Variants in GRM5 observed in about 807,000 individuals in gnomAD.
GRM5 encodes the protein metabotropic glutamate receptor 5.
Under a neutral mutation model 83.1 loss-of-function variants are expected in GRM5, and 19 were observed. That is an observed-to-expected ratio of 0.23 (90% CI 0.16 to 0.34). GRM5 has a LOEUF of 0.34. Among genes scored for constraint, GRM5 ranks in the 10% least tolerant of loss-of-function variants. The pLI is 1.00. For missense variants in GRM5, 1,160 were observed against 1,588.3 expected (o/e 0.73, Z 4.58); for synonymous variants, 675 against 633.6 (o/e 1.07, Z -0.98).
chr11:88,607,342 TATTTG>T (rs1268963104), intron 4 of GRM5, among the ~76,000 whole-genome samples: 2 of 152,206 alleles, frequency 1.3e-5, no homozygotes, highest in Non-Finnish European at 2.9e-5. Flanking sequence ...TCACAACTCT[TATTTG>T]ATTTATCTTC....
At chr11:88,849,420 C>G (rs1188843053) in intron 3 of GRM5, among the ~76,000 whole-genome samples, 1 of 151,998 alleles carries the variant, frequency 6.6e-6, no homozygotes, top group Non-Finnish European at 1.5e-5. Flanking sequence ...CAATGTAGGT[C>G]ACCAGGCACC....
intron 4 of GRM5, among the ~76,000 whole-genome samples, chr11:88,638,757 C>G (rs1253623925): frequency 6.6e-6 from 1 of 152,038 alleles, no homozygotes; most frequent in Non-Finnish European, 1.5e-5. Context: ...TAAATTAAGT[C>G]ATAAAGTTGC....
chr11:88,614,043 CCTTG>C (rs1565154476), intron 4 of GRM5, among the ~76,000 whole-genome samples: 1 of 152,132 alleles, frequency 6.6e-6, no homozygotes, highest in Non-Finnish European at 1.5e-5. Flanking sequence ...ATGTGCTTTA[CCTTG>C]ACCCTAAGCC....
chr11:88,517,906 G>T (rs146080364), intron 9 of GRM5, among the ~76,000 whole-genome samples: 2 of 152,014 alleles, frequency 1.3e-5, no homozygotes, highest in South Asian at 4.1e-4. Flanking sequence ...GTACATAAAT[G>T]TGTGCATATA....
intron 8 of GRM5, among the ~76,000 whole-genome samples, chr11:88,558,391 C>A (rs1843890449): frequency 1.3e-5 from 2 of 152,084 alleles, no homozygotes; most frequent in Non-Finnish European, 2.9e-5. Context: ...TTCTGCAGTT[C>A]CTCATTAATT....
At position 88,568,253 on chromosome 11, in the gene GRM5, C is replaced by T. The variant is rs535021684; in HGVS notation, c.1691-261G>A. 1.2e-4 allele frequency among the ~76,000 whole-genome samples: 18 copies of T among 152,078 alleles called. No individual in the cohort carries two copies. The South Asian group carries it at 2.5e-3, about 21-fold the overall frequency. Reference sequence around the variant, plus strand: ...TAATGCAGAACATGTTTCCTGCTCTCATAAAAAAAAATCAGTGGCCTTTTA... The same window carrying T: ...TAATGCAGAACATGTTTCCTGCTCTTATAAAAAAAAATCAGTGGCCTTTTA... On this transcript the variant is annotated intron_variant, in intron 7 of 9. Transcript: ENST00000305447.
intron 2 of GRM5, among the ~76,000 whole-genome samples, chr11:88,891,992 T>C (rs1016526469): frequency 1.3e-5 from 2 of 152,204 alleles, no homozygotes; most frequent in Non-Finnish European, 2.9e-5. Flanking sequence ...GAAACTTATT[T>C]TGAACTATGT....
intron 3 of GRM5, among the ~76,000 whole-genome samples, chr11:88,735,897 A>G (rs1350668261): frequency 2.0e-5 from 3 of 152,020 alleles, no homozygotes; most frequent in Non-Finnish European, 4.4e-5. Flanking sequence ...TGATAACCAA[A>G]TTCAAAAGAT....
rs189452091 is a variant in GRM5 at position 89,055,539 on chromosome 11, C to T, written c.-200-7467G>A. On this transcript the variant is annotated intron_variant, in intron 1 of 9. Transcript: ENST00000305447. ...GGGCCCTGGAGATGATTCCATTTAA[C>T]TGAGATCCATGGAAAGCAAATGATT... 2.0e-4 allele frequency among the ~76,000 whole-genome samples: 30 copies of T among 152,138 alleles called. No individual in the cohort carries two copies. The East Asian group carries it at 5.2e-3, about 26-fold the overall frequency.
intron 2 of GRM5, among the ~76,000 whole-genome samples, chr11:88,919,363 T>TATATGCG (rs1945651371): frequency 1.3e-5 from 2 of 149,414 alleles, no homozygotes; most frequent in Admixed American, 1.3e-4. Context: ...ATTTTAAATA[T>TATATGCG]ATATGCGCCT....
intron 3 of GRM5, among the ~76,000 whole-genome samples, chr11:88,697,376 C>T (rs1321903088): frequency 1.3e-5 from 2 of 152,134 alleles, no homozygotes; most frequent in Non-Finnish European, 2.9e-5. Flanking sequence ...CCCAGAGGAC[C>T]ATTTATGTTT....
chr11:88,648,673 C>T lies in GRM5; in HGVS notation c.1147+4495G>A, dbSNP rs1939536603. 2.7e-5 allele frequency among the ~76,000 whole-genome samples: 4 copies of T among 150,210 alleles called. No homozygotes were observed. In the South Asian group the frequency reaches 8.5e-4, roughly 32 times the overall value. ...TATAATAAAAAAAAAAAAAGATTTTCAAGAGAGAGATTCAAATCTCTCATT... is the reference window on the plus strand; with the variant it reads ...TATAATAAAAAAAAAAAAAGATTTTTAAGAGAGAGATTCAAATCTCTCATT... On this transcript the variant is annotated intron_variant, in intron 4 of 9. Transcript: ENST00000305447.
At position 88,800,125 on chromosome 11, in the gene GRM5, G is replaced by C. The variant is rs1418045438; in HGVS notation, c.911+49781C>G. ...AAATAAATAAACAAACAAAACCTCGGGGCTGGCAGGGAATTTACCTATCAT... is the reference window on the plus strand; with the variant it reads ...AAATAAATAAACAAACAAAACCTCGCGGCTGGCAGGGAATTTACCTATCAT... On this transcript the variant is annotated intron_variant, in intron 3 of 9. Transcript: ENST00000305447. Among the ~76,000 whole-genome samples, 4 of 152,012 alleles carry C rather than the reference G, an allele frequency of 2.6e-5. No homozygotes were observed. In the East Asian group the frequency reaches 7.7e-4, roughly 29 times the overall value.
At chr11:88,575,710 A>C (rs1336964642) in intron 7 of GRM5, among the ~76,000 whole-genome samples, 1 of 152,142 alleles carries the variant, frequency 6.6e-6, no homozygotes, top group East Asian at 1.9e-4. Flanking sequence ...TTGGGTTCCT[A>C]AAGTTTTCTA....
At chr11:88,936,627 A>G (rs868631759) in intron 2 of GRM5, among the ~76,000 whole-genome samples, 1 of 151,888 alleles carries the variant, frequency 6.6e-6, no homozygotes, top group African/African-American at 2.4e-5. Flanking sequence ...ACTTGATATG[A>G]AGGATGGAAA....
intron 6 of GRM5, among the ~76,000 whole-genome samples, chr11:88,593,594 C>G (rs1937704711): frequency 6.6e-6 from 1 of 151,424 alleles, no homozygotes; most frequent in South Asian, 2.1e-4. Context: ...AGGAGAATCA[C>G]CTGAACCCGG....
intron 2 of GRM5, among the ~76,000 whole-genome samples, chr11:89,034,056 G>GT (rs1941326933): frequency 1.7e-5 from 2 of 118,688 alleles, no homozygotes; most frequent in African/African-American, 3.1e-5. Context: ...TTATTATGAG[G>GT]TCGAATAGTC....
intron 8 of GRM5, among the ~76,000 whole-genome samples, chr11:88,553,132 A>G (rs575569343): frequency 6.6e-6 from 1 of 152,306 alleles, no homozygotes; most frequent in African/African-American, 2.4e-5. Context: ...CAAGTCCTGA[A>G]GTTGGACTTC....
intron 2 of GRM5, among the ~76,000 whole-genome samples, chr11:89,028,069 T>C (rs1242736943): frequency 2.6e-5 from 4 of 152,160 alleles, no homozygotes; most frequent in Non-Finnish European, 5.9e-5. Context: ...CTTAGAATCA[T>C]CAAATCTGCC....
Sources: gnomAD v4.1 joint callset for allele counts (sites outside exome capture counted in the v4.1 genomes callset) on GRCh38, gnomAD v4.1.1 for gene constraint, MANE v1.5 for transcripts, NCBI Gene and HGNC (gene_info 2026-07-23, HGNC 2026-07-21) for gene names.